SMOC2: variants seen among roughly 807,000 people sequenced by gnomAD.
SMOC2 encodes SPARC-related modular calcium-binding protein 2.
SMOC2 carries 39 observed loss-of-function variants against 61.4 expected under a neutral mutation model. That is an observed-to-expected ratio of 0.64 (90% CI 0.49 to 0.83). The LOEUF (loss-of-function observed/expected upper bound fraction) is 0.83. Ranked by LOEUF, SMOC2 falls within the 40% of genes least tolerant of loss-of-function variation. SMOC2 has a pLI of 0.00. For missense variants in SMOC2, 556 were observed against 592.9 expected (o/e 0.94, Z 0.65); for synonymous variants, 247 against 239.9 (o/e 1.03, Z -0.27).
intron 9 of SMOC2, among the ~76,000 whole-genome samples, chr6:168,629,396 C>T (rs1786507176): frequency 6.6e-6 from 1 of 152,268 alleles, no homozygotes; most frequent in Non-Finnish European, 1.5e-5. Context: ...TCTCCCAGTG[C>T]TGCTGGCTGT....
intron 12 of SMOC2, chr6:168,664,571 G>C (rs1787608596): frequency 2.6e-6 from 1 of 385,974 alleles, no homozygotes; most frequent in African/African-American, 2.1e-5. Context: ...TTTTGTCAGG[G>C]AGGTTGCAGG....
At chr6:168,628,783 C>G (rs564283551) in intron 9 of SMOC2, among the ~76,000 whole-genome samples, 20 of 152,250 alleles carry the variant, frequency 1.3e-4, no homozygotes, top group Non-Finnish European at 2.6e-4. Flanking sequence ...AAGGCCTTTC[C>G]TTCAGTCCCT....
chr6:168,652,780 A>G (rs936775854), intron 10 of SMOC2, among the ~76,000 whole-genome samples, 174 bp from the exon 11 acceptor site: 1 of 152,196 alleles, frequency 6.6e-6, no homozygotes, highest in Admixed American at 6.5e-5. Context: ...TTTGCTAAAA[A>G]TGTTCTTCTA....
chr6:168,441,510 C>G, intron 1 of SMOC2, 56 bp downstream of exon 1: 1 of 1,440,934 alleles, frequency 6.9e-7, no homozygotes, highest in Admixed American at 2.7e-5. Flanking sequence ...TTGCAGCCGG[C>G]CGGGTTCGGG....
intron 7 of SMOC2, among the ~76,000 whole-genome samples, chr6:168,551,184 T>C (rs1784121300): frequency 6.6e-6 from 1 of 152,166 alleles, no homozygotes; most frequent in African/African-American, 2.4e-5. Flanking sequence ...GAAGGTGCCT[T>C]GCTTCCCTTC....
intron 2 of SMOC2, among the ~76,000 whole-genome samples, chr6:168,512,131 C>T (rs1783023882): frequency 6.6e-6 from 1 of 152,116 alleles, no homozygotes; most frequent in Non-Finnish European, 1.5e-5. Flanking sequence ...AGAGGGTCCT[C>T]TGAGGACCGA....
At chr6:168,467,511 T>G (rs1781871489) in intron 1 of SMOC2, among the ~76,000 whole-genome samples, 1 of 152,146 alleles carries the variant, frequency 6.6e-6, no homozygotes, top group Non-Finnish European at 1.5e-5. Context: ...GGTTTCATTG[T>G]GTTAGCCAAG....
Position 168,467,245 on chromosome 6 carries a change from C to A in SMOC2, c.84+25791C>A, listed in dbSNP as rs534287059. 3.3e-5 allele frequency among the ~76,000 whole-genome samples: 5 copies of A among 151,850 alleles called. No homozygotes were observed. The East Asian group carries it at 7.8e-4, about 24-fold the overall frequency. ...CTGGAGTGCACTGGCGGCAAAACAG[C>A]TCACTGTAGCCTTGAACTCCTGGGC... On this transcript the variant is annotated intron_variant, in intron 1 of 12. Transcript: ENST00000356284.
chr6:168,611,442 C>G (rs996008448), intron 9 of SMOC2, among the ~76,000 whole-genome samples: 10 of 103,478 alleles, frequency 9.7e-5, no homozygotes, highest in African/African-American at 4.0e-4. Context: ...CGGGCCTGGC[C>G]GTGGCTCCCA....
intron 1 of SMOC2, among the ~76,000 whole-genome samples, chr6:168,508,215 TAAC>T (rs1782921229): frequency 1.3e-5 from 2 of 152,204 alleles, no homozygotes; most frequent in Non-Finnish European, 2.9e-5. Context: ...AATGTATGAG[TAAC>T]ATTGGGCAAA....
chr6:168,497,942 G>T (rs994160763), intron 1 of SMOC2, among the ~76,000 whole-genome samples: 2 of 152,164 alleles, frequency 1.3e-5, no homozygotes, highest in African/African-American at 4.8e-5. Flanking sequence ...TTTATGCAGA[G>T]ATCAGAGGCC....
At chr6:168,454,372 TCA>T (rs1166232036) in intron 1 of SMOC2, among the ~76,000 whole-genome samples, 3 of 152,048 alleles carry the variant, frequency 2.0e-5, no homozygotes, top group Non-Finnish European at 4.4e-5. Flanking sequence ...TTTTTTTTGG[TCA>T]CACATTTTCT....
At chr6:168,508,349 G>A (rs2115050077) in intron 1 of SMOC2, among the ~76,000 whole-genome samples, 1 of 152,348 alleles carries the variant, frequency 6.6e-6, no homozygotes, top group South Asian at 2.1e-4. Flanking sequence ...AGATAGCAGA[G>A]CAGCCCTTTT....
chr6:168,646,945 C>G (rs914090693), intron 9 of SMOC2, among the ~76,000 whole-genome samples: 1 of 152,316 alleles, frequency 6.6e-6, no homozygotes, highest in Admixed American at 6.5e-5. Flanking sequence ...TGAACTTATT[C>G]TGTTTCTAGC....
At chr6:168,640,108 T>C (rs1158328182) in intron 9 of SMOC2, among the ~76,000 whole-genome samples, 2 of 152,148 alleles carry the variant, frequency 1.3e-5, no homozygotes, top group Non-Finnish European at 2.9e-5. Flanking sequence ...GGATCACTGG[T>C]CAGCCCTGGT....
At chr6:168,523,554 AT>A (rs55889954) in intron 2 of SMOC2, among the ~76,000 whole-genome samples, 83,929 of 146,896 alleles carry the variant, frequency 0.57, 26,897 homozygotes, top group Non-Finnish European at 0.72. Context: ...TGCCTGGCTA[AT>A]TTTTTTTTTT....
chr6:168,581,419 C>T (rs1784914830), intron 7 of SMOC2, among the ~76,000 whole-genome samples: 1 of 152,220 alleles, frequency 6.6e-6, no homozygotes, highest in East Asian at 1.9e-4. Flanking sequence ...AGGAGCTTCG[C>T]CCAGACCTGC....
intron 1 of SMOC2, among the ~76,000 whole-genome samples, chr6:168,463,442 G>T (rs1348008545): frequency 6.6e-6 from 1 of 152,064 alleles, no homozygotes. Context: ...TATTTTGAGG[G>T]GTTTGAGAGG....
intron 2 of SMOC2, among the ~76,000 whole-genome samples, chr6:168,519,014 TGC>T (rs1436656707): frequency 1.2e-4 from 15 of 121,202 alleles, no homozygotes; most frequent in Non-Finnish European, 2.8e-4. Flanking sequence ...TGAGTATGCG[TGC>T]ATGCGAACAT....
Sources: allele counts gnomAD v4.1 joint callset (sites outside exome capture counted in the v4.1 genomes callset), GRCh38; gene constraint gnomAD v4.1.1; transcripts MANE v1.5; gene names NCBI Gene and HGNC (gene_info 2026-07-23, HGNC 2026-07-21).